XKR4: variants seen among roughly 807,000 people sequenced by gnomAD.
XKR4 encodes the protein XK related 4, also known as XK-related protein 4.
A neutral mutation model predicts 53.9 loss-of-function variants in XKR4; 12 were observed. The ratio of observed to expected loss-of-function variants is 0.22; its 90% CI spans 0.14 to 0.36. The LOEUF (loss-of-function observed/expected upper bound fraction) is 0.36, where lower values mean the gene tolerates loss of function less well. Ranked by LOEUF, XKR4 falls within the 10% of genes least tolerant of loss-of-function variation. The pLI, the probability that XKR4 is intolerant of heterozygous loss-of-function variation, is 1.00. For synonymous variants in XKR4, 354 were observed against 362.4 expected (o/e 0.98, Z 0.26); for missense variants, 799 against 859.5 (o/e 0.93, Z 0.88).
At chr8:55,217,692 G>C (rs1411198574) in intron 1 of XKR4, among the ~76,000 whole-genome samples, 1 of 152,162 alleles carries the variant, frequency 6.6e-6, no homozygotes, top group Non-Finnish European at 1.5e-5. Flanking sequence ...GTTCAGGTAA[G>C]TATAATATCC....
chr8:55,110,634 C>T (rs1378730347), intron 1 of XKR4, among the ~76,000 whole-genome samples: 1 of 152,046 alleles, frequency 6.6e-6, no homozygotes, highest in Non-Finnish European at 1.5e-5. Flanking sequence ...TTTTGTGAAT[C>T]GCTAGTTACA....
chr8:55,259,042 C>A (rs1818477388), intron 1 of XKR4, among the ~76,000 whole-genome samples: 1 of 152,210 alleles, frequency 6.6e-6, no homozygotes, highest in African/African-American at 2.4e-5. Context: ...GCATTCGTGT[C>A]CCTGCCTGCA....
intron 1 of XKR4, among the ~76,000 whole-genome samples, chr8:55,227,963 G>A (rs1010204612): frequency 1.3e-5 from 2 of 152,214 alleles, no homozygotes; most frequent in Non-Finnish European, 2.9e-5. Flanking sequence ...ACGGAGGGCA[G>A]TGGTGTGATC....
intron 2 of XKR4, among the ~76,000 whole-genome samples, chr8:55,431,762 G>T (rs1337621120): frequency 2.0e-5 from 3 of 152,166 alleles, no homozygotes; most frequent in Non-Finnish European, 4.4e-5. Context: ...ACTACCTTCT[G>T]TATTTTTTCT....
chr8:55,527,597 C>T lies in XKR4; in HGVS notation c.*3370C>T, dbSNP rs1200659756. On this transcript the variant is annotated 3_prime_UTR_variant, in exon 3 of 3. Transcript: ENST00000327381. Reference sequence around the variant, plus strand: ...TTCCATGTAAGTCAAAGTTTAGTCTCCCAAAATGACTATGTCCTTTAAATC... The same window carrying T: ...TTCCATGTAAGTCAAAGTTTAGTCTTCCAAAATGACTATGTCCTTTAAATC... The T allele has an allele frequency of 6.6e-6, 1 of 152,148 alleles. No individual in the cohort carries two copies. The highest frequency in any genetic ancestry group is 2.4e-5 in the African/African-American group (1 of 41,428). The allele number at this position is 152,148 out of a possible 1,614,324, so 9.4% of individuals were successfully genotyped here. A position where few individuals can be genotyped will look rare whatever the true frequency, so the allele number is the denominator to read the frequency against.
intron 1 of XKR4, among the ~76,000 whole-genome samples, chr8:55,245,815 C>T (rs1818277311): frequency 6.6e-6 from 1 of 152,172 alleles, no homozygotes; most frequent in South Asian, 2.1e-4. Context: ...CCAATGTAGG[C>T]TGGGTGCCAT....
intron 2 of XKR4, among the ~76,000 whole-genome samples, chr8:55,389,203 G>C (rs75881552): frequency 0.022 from 3,422 of 152,270 alleles, 56 homozygotes; most frequent in Middle Eastern, 0.044. Flanking sequence ...GCGTGGCCCT[G>C]CAGGCACCTT....
chr8:55,495,483 G>A (rs1345129901), intron 2 of XKR4, among the ~76,000 whole-genome samples: 1 of 152,180 alleles, frequency 6.6e-6, no homozygotes, highest in Non-Finnish European at 1.5e-5. Context: ...CCAGGTTCTT[G>A]CTGTGCCCCT....
At chr8:55,458,247 A>C (rs1000590210) in intron 2 of XKR4, among the ~76,000 whole-genome samples, 1 of 152,238 alleles carries the variant, frequency 6.6e-6, no homozygotes, top group African/African-American at 2.4e-5. Context: ...TGACCCCTTC[A>C]TGAGTCTTGT....
At chr8:55,252,528 A>AT (rs1214917782) in intron 1 of XKR4, among the ~76,000 whole-genome samples, 1 of 152,218 alleles carries the variant, frequency 6.6e-6, no homozygotes, top group Non-Finnish European at 1.5e-5. Flanking sequence ...CCCGACCTTG[A>AT]TTCATTTGCC....
At chr8:55,502,410 C>A (rs772762681) in intron 2 of XKR4, among the ~76,000 whole-genome samples, 1 of 151,918 alleles carries the variant, frequency 6.6e-6, no homozygotes, top group Non-Finnish European at 1.5e-5. Flanking sequence ...TAAGTAATAG[C>A]CATACTAATA....
intron 2 of XKR4, among the ~76,000 whole-genome samples, chr8:55,480,300 C>A (rs1356469163): frequency 5.3e-5 from 8 of 152,014 alleles, no homozygotes; most frequent in African/African-American, 1.2e-4. Context: ...AAGACAAAAA[C>A]CACATGATTA....
intron 1 of XKR4, among the ~76,000 whole-genome samples, chr8:55,207,242 G>A (rs1410033871): frequency 6.6e-6 from 1 of 152,188 alleles, no homozygotes; most frequent in Non-Finnish European, 1.5e-5. Context: ...GGTCCTGGGG[G>A]CAGGGTGGGG....
intron 2 of XKR4, chr8:55,451,598 C>T: frequency 1.4e-6 from 2 of 1,393,248 alleles, no homozygotes; most frequent in Middle Eastern, 1.9e-4. Flanking sequence ...CGCCAGCAGA[C>T]AACGGTGAAG....
At chr8:55,326,489 G>GTTTTT in intron 1 of XKR4, among the ~76,000 whole-genome samples, 27 of 63,528 alleles carry the variant, frequency 4.3e-4, no homozygotes, top group African/African-American at 1.1e-3. Flanking sequence ...TTTTTTTTTG[G>GTTTTT]AAACAGAGTT....
chr8:55,164,447 A>G (rs1035246549), intron 1 of XKR4: 3 of 456,162 alleles, frequency 6.6e-6, no homozygotes, highest in Non-Finnish European at 1.3e-5. Flanking sequence ...CACCTTGAGG[A>G]CAGAGCTGGA....
At chr8:55,384,966 C>A (rs1804288352) in intron 2 of XKR4, among the ~76,000 whole-genome samples, 1 of 152,190 alleles carries the variant, frequency 6.6e-6, no homozygotes, top group African/African-American at 2.4e-5. Context: ...GCCATCGTAA[C>A]TAGTGACCAT....
At chr8:55,446,137 C>T (rs7817562) in intron 2 of XKR4, among the ~76,000 whole-genome samples, 46,314 of 150,352 alleles carry the variant, frequency 0.31, 9,180 homozygotes, top group African/African-American at 0.58. Context: ...CACCCTGAAA[C>T]TATAGCGTTA....
At chr8:55,290,130 A>ATT (rs1203712190) in intron 1 of XKR4, among the ~76,000 whole-genome samples, 43 of 137,898 alleles carry the variant, frequency 3.1e-4, no homozygotes, top group African/African-American at 6.9e-4. Context: ...CTTTAATTTA[A>ATT]TTTTTTTTTT....
Sources: allele counts gnomAD v4.1 joint callset (sites outside exome capture counted in the v4.1 genomes callset), GRCh38; gene constraint gnomAD v4.1.1; transcripts MANE v1.5; gene names NCBI Gene and HGNC (gene_info 2026-07-23, HGNC 2026-07-21).